UST: variants seen among roughly 807,000 people sequenced by gnomAD.
The protein encoded by UST is uronyl 2-sulfotransferase, also known as chondroitin sulfate 2-O-sulfotransferase.
In UST, 21 loss-of-function variants were observed where a neutral mutation model predicts 45.6. The ratio of observed to expected loss-of-function variants is 0.46; its 90% CI spans 0.33 to 0.66. The LOEUF (loss-of-function observed/expected upper bound fraction) is 0.66, where lower values mean the gene tolerates loss of function less well. Among genes scored for constraint, UST ranks in the 30% least tolerant of loss-of-function variants. The pLI is 0.02. For synonymous variants in UST, 215 were observed against 200.6 expected (o/e 1.07, Z -0.61); for missense variants, 463 against 512.4 (o/e 0.90, Z 0.93).
chr6:148,992,674 G>A (rs557181635), intron 5 of UST, among the ~76,000 whole-genome samples: 55 of 152,192 alleles, frequency 3.6e-4, no homozygotes, highest in African/African-American at 1.3e-3. Context: ...TTAACCAAGC[G>A]TTTAAGGTAG....
At chr6:148,869,336 T>C (rs564694509) in intron 1 of UST, among the ~76,000 whole-genome samples, 1 of 152,300 alleles carries the variant, frequency 6.6e-6, no homozygotes, top group African/African-American at 2.4e-5. Context: ...TGATGTGAAA[T>C]AGAACTAGAG....
At chr6:148,984,748 A>G (rs1199991352) in intron 5 of UST, among the ~76,000 whole-genome samples, 3 of 152,178 alleles carry the variant, frequency 2.0e-5, no homozygotes, top group East Asian at 3.9e-4. Flanking sequence ...GCCTTGAGCC[A>G]TCTTTCTGCC....
At chr6:148,919,257 G>A (rs12201109) in intron 2 of UST, among the ~76,000 whole-genome samples, 49,204 of 152,040 alleles carry the variant, frequency 0.32, 8,306 homozygotes, top group Non-Finnish European at 0.36. Flanking sequence ...GCCACTGAGC[G>A]CCTTCCAACA....
At chr6:149,044,882 A>G (rs1776375970) in intron 7 of UST, among the ~76,000 whole-genome samples, 1 of 152,256 alleles carries the variant, frequency 6.6e-6, no homozygotes, top group Non-Finnish European at 1.5e-5. Context: ...ACACTTGCAA[A>G]GTGGAATCCA....
rs148056699 is a variant in UST at position 148,767,828 on chromosome 6, G to A, written c.247+20151G>A. On this transcript the variant is annotated intron_variant, in intron 1 of 7. Coordinates refer to ENST00000367463, the MANE Select transcript of UST (RefSeq NM_005715.3). ...TCCACTCTGTAGTATCATAGATATCGTTTCACATCTTTATATATTTTTTTA... is the reference window on the plus strand; with the variant it reads ...TCCACTCTGTAGTATCATAGATATCATTTCACATCTTTATATATTTTTTTA... Among the ~76,000 whole-genome samples, 393 of 152,204 alleles carry A rather than the reference G, an allele frequency of 2.6e-3. 3 individuals carry two copies. The highest frequency in any genetic ancestry group is 8.7e-3 in the African/African-American group (361 of 41,542).
intron 5 of UST, chr6:149,005,463 C>T (rs1781628025): frequency 9.1e-6 from 9 of 985,368 alleles, no homozygotes; most frequent in African/African-American, 3.5e-5. Context: ...TGTCTCTCTG[C>T]CTCTCACCAA....
chr6:148,913,562 A>G (rs1034190944), intron 2 of UST, among the ~76,000 whole-genome samples: 2 of 151,682 alleles, frequency 1.3e-5, no homozygotes, highest in Non-Finnish European at 2.9e-5. Flanking sequence ...TGGACACAAT[A>G]AGGAGTTTCA....
rs1489095171 is a variant in UST, at chr6:149,075,146, AG to A, written c.*1032del. 1.3e-5 allele frequency: 2 copies of A among 152,248 alleles called. No individual in the cohort carries two copies. Among genetic ancestry groups the A allele is most frequent in the African/African-American group, 4.8e-5 (2 of 41,470 alleles). 9.4% of individuals were successfully genotyped at this position (152,248 alleles called of 1,614,324 possible). On this transcript the variant is annotated 3_prime_UTR_variant, in exon 8 of 8. Transcript: ENST00000367463. ...CCAACACTGCTTTAATGGAAGTTCT[AG>A]GAACCAATTTAGCTCAGGCATTTGA...
At chr6:149,066,420 T>C (rs1000466589) in intron 7 of UST, among the ~76,000 whole-genome samples, 1 of 151,572 alleles carries the variant, frequency 6.6e-6, no homozygotes, top group Non-Finnish European at 1.5e-5. Flanking sequence ...AAGGAGCCAG[T>C]TGAGAGGGAG....
At chr6:148,910,901 C>T (rs1428736065) in intron 2 of UST, among the ~76,000 whole-genome samples, 1 of 152,194 alleles carries the variant, frequency 6.6e-6, no homozygotes, top group East Asian at 1.9e-4. Flanking sequence ...CTTCTCATTT[C>T]TTTCTTCCTT....
At chr6:148,938,744 A>T (rs1780065514) in intron 2 of UST, among the ~76,000 whole-genome samples, 1 of 151,728 alleles carries the variant, frequency 6.6e-6, no homozygotes, top group African/African-American at 2.4e-5. Flanking sequence ...GATGCTTTTC[A>T]TAATAGCTAT....
At chr6:148,893,446 A>T (rs1245861619) in intron 2 of UST, among the ~76,000 whole-genome samples, 1 of 152,238 alleles carries the variant, frequency 6.6e-6, no homozygotes, top group Non-Finnish European at 1.5e-5. Context: ...GATCAGGAAG[A>T]CATTTAAAGA....
chr6:148,759,163 C>T (rs1776154513), intron 1 of UST, among the ~76,000 whole-genome samples: 1 of 152,166 alleles, frequency 6.6e-6, no homozygotes, highest in African/African-American at 2.4e-5. Flanking sequence ...GCAGTGTTTC[C>T]ATAGGGTCTT....
chr6:149,005,027 TAG>T (rs1298558501), intron 5 of UST, among the ~76,000 whole-genome samples: 1 of 151,710 alleles, frequency 6.6e-6, no homozygotes, highest in African/African-American at 2.4e-5. Flanking sequence ...AACTTTTTTG[TAG>T]AGACAACTTT....
intron 1 of UST, among the ~76,000 whole-genome samples, chr6:148,799,475 G>A (rs1344081762): frequency 2.0e-5 from 3 of 152,188 alleles, no homozygotes; most frequent in Non-Finnish European, 4.4e-5. Context: ...GGTGGGCGAA[G>A]TTGGTGGTTC....
chr6:148,979,200 A>T (rs148206191), intron 5 of UST, among the ~76,000 whole-genome samples: 12 of 152,224 alleles, frequency 7.9e-5, no homozygotes, highest in African/African-American at 2.9e-4. Flanking sequence ...TCTGGACTGG[A>T]TGTTGTCTTG....
chr6:149,008,555 G>C (rs1775752734), intron 5 of UST, among the ~76,000 whole-genome samples: 2 of 152,218 alleles, frequency 1.3e-5, no homozygotes, highest in Admixed American at 1.3e-4. Context: ...GTACCTGGGA[G>C]AAGGCATACA....
intron 5 of UST, among the ~76,000 whole-genome samples, chr6:148,992,367 G>T (rs1005798530): frequency 1.3e-5 from 2 of 152,168 alleles, no homozygotes; most frequent in African/African-American, 2.4e-5. Flanking sequence ...TTAGCCGGGC[G>T]TTGAGGCAGG....
intron 5 of UST, among the ~76,000 whole-genome samples, chr6:149,010,913 A>AAAAAAAAAAAAAAAAAAAAGAC (rs755674810): frequency 1.1e-5 from 1 of 92,968 alleles, no homozygotes; most frequent in Non-Finnish European, 2.0e-5. Flanking sequence ...AAAAAAAAAA[A>AAAAAAAAAAAAAAAAAAAAGAC]AAAAAACTGT....
Sources: gnomAD v4.1 joint callset for allele counts (sites outside exome capture counted in the v4.1 genomes callset) on GRCh38, gnomAD v4.1.1 for gene constraint, MANE v1.5 for transcripts, NCBI Gene and HGNC (gene_info 2026-07-23, HGNC 2026-07-21) for gene names.